Variants in ASTN2 observed in about 807,000 individuals in gnomAD.
ASTN2 encodes astrotactin 2.
ASTN2 carries 54 observed loss-of-function variants against 139.8 expected under a neutral mutation model. That is an observed-to-expected ratio of 0.39 (90% CI 0.31 to 0.48). The LOEUF (loss-of-function observed/expected upper bound fraction) is 0.48, where lower values mean the gene tolerates loss of function less well. Ranked by LOEUF, ASTN2 falls within the 20% of genes least tolerant of loss-of-function variation. The pLI, the probability that ASTN2 is intolerant of heterozygous loss-of-function variation, is 0.95. For missense variants in ASTN2, 1,565 were observed against 1,725.1 expected (o/e 0.91, Z 1.64); for synonymous variants, 756 against 719.5 (o/e 1.05, Z -0.81).
At chr9:117,061,020 C>T (rs1200195253) in intron 5 of ASTN2, among the ~76,000 whole-genome samples, 1 of 152,082 alleles carries the variant, frequency 6.6e-6, no homozygotes, top group Non-Finnish European at 1.5e-5. Context: ...AGTCAGTTTA[C>T]CAGCATACCA....
In ASTN2 at chr9:116,805,746, T is replaced by C. The variant is rs974202503; in HGVS notation, c.2282A>G (p.Lys761Arg). 9 of 1,613,972 alleles carry C rather than the reference T, an allele frequency of 5.6e-6. No individual in the cohort carries two copies. The highest frequency in any genetic ancestry group is 6.8e-6 in the Non-Finnish European group (8 of 1,179,862). Residue 761 changes from lysine (K) to arginine (R), a missense_variant, in exon 13 of 23, where the codon AAG becomes AGG. Around this residue, in one of 4 missense-constraint regions of ASTN2, gnomAD observed 503 missense variants for 591.7 expected, o/e 0.85. Coordinates refer to ENST00000313400, the MANE Select transcript of ASTN2 (RefSeq NM_001365068.1). ...GAATTTGGAGTCAGGTTTGAGGCAC[T>C]TGGGGCCCTCGCAGACATCTGAGAG... ...LMLSDVCEGP[K>R]CLKPDSKFND...
At chr9:116,776,341 C>T (rs1230099645) in intron 13 of ASTN2, among the ~76,000 whole-genome samples, 1 of 152,174 alleles carries the variant, frequency 6.6e-6, no homozygotes, top group East Asian at 1.9e-4. Flanking sequence ...AAGCATTTGT[C>T]TTAATCTTTT....
At chr9:117,046,442 G>C (rs910634131) in intron 5 of ASTN2, among the ~76,000 whole-genome samples, 1 of 152,172 alleles carries the variant, frequency 6.6e-6, no homozygotes, top group Non-Finnish European at 1.5e-5. Context: ...AACTGATAAA[G>C]AAGCTGTGTG....
chr9:117,116,407 T>A (rs889310353), intron 4 of ASTN2, among the ~76,000 whole-genome samples: 1 of 152,132 alleles, frequency 6.6e-6, no homozygotes, highest in African/African-American at 2.4e-5. Flanking sequence ...AACATACTTT[T>A]GAAGCATGAT....
At chr9:116,543,551 T>C (rs1851965888) in intron 19 of ASTN2, 1 of 152,128 alleles carries the variant, frequency 6.6e-6, no homozygotes, top group Admixed American at 6.5e-5. Context: ...AAACAGGAGT[T>C]CCACAAGGTA....
At chr9:116,831,984 C>A (rs1175722926) in intron 11 of ASTN2, among the ~76,000 whole-genome samples, 1 of 152,080 alleles carries the variant, frequency 6.6e-6, no homozygotes, top group Non-Finnish European at 1.5e-5. Context: ...GTGGCCCATG[C>A]ATATTTTGTC....
rs528086892 is a variant in ASTN2, at chr9:117,226,617, T to G, written c.631-11875A>C. On this transcript the variant is annotated intron_variant, in intron 2 of 22. Transcript: ENST00000313400. ...GGTTTGTTTGTTTGTTTGTTTGTTT[T>G]TTTAACAGGGTGGCCATAGCAAGCA... Among the ~76,000 whole-genome samples the G allele has an allele frequency of 6.9e-5, 10 of 144,538 alleles. No homozygotes were observed. The East Asian group carries it at 7.8e-4, about 11-fold the overall frequency. The allele number at this position is 144,538 out of a possible 152,430, so 94.8% of individuals were successfully genotyped here.
chr9:117,398,181 G>T (rs1830726041), intron 1 of ASTN2, among the ~76,000 whole-genome samples: 1 of 152,120 alleles, frequency 6.6e-6, no homozygotes, highest in Non-Finnish European at 1.5e-5. Context: ...ATAGTTTCAG[G>T]GGCCTGAACA....
chr9:116,537,428 G>T (rs1180874163), intron 19 of ASTN2, among the ~76,000 whole-genome samples: 2 of 152,122 alleles, frequency 1.3e-5, no homozygotes, highest in Non-Finnish European at 1.5e-5. Flanking sequence ...GTTTATTTCT[G>T]ACAATTACAG....
intron 20 of ASTN2, among the ~76,000 whole-genome samples, chr9:116,461,586 T>C (rs533470989): frequency 6.6e-6 from 1 of 152,178 alleles, no homozygotes; most frequent in East Asian, 1.9e-4. Flanking sequence ...TCTGGGACCA[T>C]GTGATTTTTT....
intron 20 of ASTN2, among the ~76,000 whole-genome samples, chr9:116,477,976 A>C (rs2119042377): frequency 6.6e-6 from 1 of 151,416 alleles, no homozygotes; most frequent in African/African-American, 2.4e-5. Flanking sequence ...AAGAAAGAAA[A>C]GAGAAGAAAC....
intron 16 of ASTN2, among the ~76,000 whole-genome samples, chr9:116,707,090 G>T (rs1355432211): frequency 6.6e-6 from 1 of 151,512 alleles, no homozygotes; most frequent in East Asian, 1.9e-4. Flanking sequence ...ACCAGGTGTT[G>T]CCCTCATTGT....
At chr9:116,493,025 TA>T (rs1214039367) in intron 19 of ASTN2, among the ~76,000 whole-genome samples, 1 of 152,216 alleles carries the variant, frequency 6.6e-6, no homozygotes, top group Non-Finnish European at 1.5e-5. Context: ...AAACTGTTTA[TA>T]AAAGTTGGTT....
intron 19 of ASTN2, among the ~76,000 whole-genome samples, chr9:116,500,384 C>A (rs958332742): frequency 6.6e-6 from 1 of 152,158 alleles, no homozygotes; most frequent in Non-Finnish European, 1.5e-5. Flanking sequence ...GGTACTGGAA[C>A]CAGATCACAC....
chr9:116,437,230 G>A (rs183069748), intron 22 of ASTN2: 36 of 450,844 alleles, frequency 8.0e-5, no homozygotes, highest in African/African-American at 2.2e-4. Context: ...GTTCTAGTTC[G>A]TCCTTATCAT....
At chr9:116,812,906 T>G (rs1185872713) in intron 12 of ASTN2, among the ~76,000 whole-genome samples, 1 of 152,048 alleles carries the variant, frequency 6.6e-6, no homozygotes, top group African/African-American at 2.4e-5. Flanking sequence ...AAAATTCCCA[T>G]CCTTGTAAAG....
At chr9:117,199,973 T>C (rs1294912865) in intron 3 of ASTN2, among the ~76,000 whole-genome samples, 2 of 152,106 alleles carry the variant, frequency 1.3e-5, no homozygotes, top group African/African-American at 4.8e-5. Flanking sequence ...CTTGTGATTT[T>C]TGCACATTGA....
chr9:117,300,122 A>G (rs1834840152), intron 1 of ASTN2, among the ~76,000 whole-genome samples: 1 of 152,234 alleles, frequency 6.6e-6, no homozygotes, highest in Non-Finnish European at 1.5e-5. Flanking sequence ...TCATCCATCA[A>G]TATACCTTCC....
At chr9:116,840,204 G>C (rs1243129516) in intron 11 of ASTN2, among the ~76,000 whole-genome samples, 5 of 147,302 alleles carry the variant, frequency 3.4e-5, no homozygotes, top group South Asian at 4.3e-4. Flanking sequence ...TAAGGTCACC[G>C]ATCAACAGGA....
Sources: allele counts gnomAD v4.1 joint callset (sites outside exome capture counted in the v4.1 genomes callset), GRCh38; gene constraint gnomAD v4.1.1; regional missense constraint gnomAD v4.1.1; transcripts MANE v1.5; gene names NCBI Gene and HGNC (gene_info 2026-07-23, HGNC 2026-07-21).